PHACTR2: variants seen among roughly 807,000 people sequenced by gnomAD.
PHACTR2 encodes the protein phosphatase and actin regulator 2.
Under a neutral mutation model 76.0 loss-of-function variants are expected in PHACTR2, and 30 were observed. The observed-to-expected ratio is 0.39, with a 90% CI of 0.30 to 0.54. PHACTR2 has a LOEUF of 0.54. Among genes scored for constraint, PHACTR2 ranks in the 20% least tolerant of loss-of-function variants. The pLI is 0.61. For synonymous variants in PHACTR2, 292 were observed against 292.5 expected (o/e 1.00, Z 0.02); for missense variants, 696 against 781.1 (o/e 0.89, Z 1.30).
chr6:143,793,020 C>T lies in PHACTR2; in HGVS notation c.1845+4110C>T, dbSNP rs1562309876. On this transcript the variant is annotated intron_variant, in intron 11 of 12. Transcript: ENST00000440869. This position sits in a 1 kb window ranked among gnomAD's most constrained non-coding sequence, Gnocchi z 4.4. The stretch of plus-strand genomic sequence containing the variant: ...CAATTGTGGCCAAATTTGGAAAATA[C>T]AATTTTCCACACCCACCATTCCCAG... Among the ~76,000 whole-genome samples the T allele has an allele frequency of 2.6e-5, 4 of 152,170 alleles. No homozygotes were observed. Among genetic ancestry groups the T allele is most frequent in the Admixed American group, 6.5e-5 (1 of 15,280 alleles).
rs1161641497 is a variant in PHACTR2 at position 143,823,250 on chromosome 6, G to C, written c.1923-424G>C. Among the ~76,000 whole-genome samples the C allele has an allele frequency of 2.6e-5, 4 of 152,190 alleles. No homozygotes were observed. The South Asian group carries it at 8.3e-4, about 32-fold the overall frequency. On this transcript the variant is annotated intron_variant, in intron 12 of 12. Coordinates refer to ENST00000440869, the MANE Select transcript of PHACTR2 (RefSeq NM_001100164.2). The surrounding 1 kb of genome is among the most constrained non-coding windows in gnomAD (Gnocchi z 5.7). ...TGGAGTCGTCAGCAGGAGATGATGA[G>C]AGGCTGAAGCTAATGAAAAAGTGTC...
chr6:143,590,294 G>A (rs1161087265), intron 1 of PHACTR2, among the ~76,000 whole-genome samples: 2 of 152,198 alleles, frequency 1.3e-5, no homozygotes, highest in East Asian at 3.9e-4. Flanking sequence ...CCACCATGAA[G>A]ATGGAGGACC....
chr6:143,562,504 C>T lies in PHACTR2; in HGVS notation c.217+25297C>T, dbSNP rs1288087399. ...GAGGAATCTGCTCCCATGACGCAAA[C>T]ACCTCCCACCAGGCCCCACCTCCAG... On this transcript the variant is annotated intron_variant, in intron 1 of 11. Coordinates refer to the PHACTR2 transcript ENST00000367584. This position sits in a 1 kb window ranked among gnomAD's most constrained non-coding sequence, Gnocchi z 5.1. Among the ~76,000 whole-genome samples, 1 of 152,136 alleles carries T rather than the reference C, an allele frequency of 6.6e-6. No individual in the cohort carries two copies. The highest frequency in any genetic ancestry group is 2.4e-5 in the African/African-American group (1 of 41,404).
At chr6:143,766,016 C>T (rs952856408) in intron 6 of PHACTR2, among the ~76,000 whole-genome samples, 6 of 152,230 alleles carry the variant, frequency 3.9e-5, no homozygotes, top group Non-Finnish European at 5.9e-5. Context: ...ACAAATACCA[C>T]TTGAGATCAA....
At chr6:143,584,616 C>G (rs937084752) in intron 1 of PHACTR2, among the ~76,000 whole-genome samples, 1 of 152,168 alleles carries the variant, frequency 6.6e-6, no homozygotes, top group African/African-American at 2.4e-5. Context: ...TTTGATGTAA[C>G]TATTCAACAA....
At chr6:143,590,027 G>A (rs974919565) in intron 1 of PHACTR2, among the ~76,000 whole-genome samples, 6 of 152,056 alleles carry the variant, frequency 3.9e-5, no homozygotes, top group South Asian at 2.1e-4. Flanking sequence ...TTATAGTCAC[G>A]AAAACTCTGT....
Position 143,672,287 on chromosome 6 carries a change from CAA to C in PHACTR2, c.14-39716_14-39715del, listed in dbSNP as rs1013086766. On this transcript the variant is annotated intron_variant, in intron 1 of 11. Transcript: ENST00000305766. The surrounding 1 kb of genome is among the most constrained non-coding windows in gnomAD (Gnocchi z 5.8). ...GCAATATAGTGAGACCCTATCTCTA[CAA>C]AAAAAAAAAAAATTACAAATAATTA... 3.4e-5 allele frequency among the ~76,000 whole-genome samples: 4 copies of C among 116,680 alleles called. No homozygotes were observed. Among genetic ancestry groups the C allele is most frequent in the African/African-American group, 4.6e-5 (1 of 21,578 alleles). 76.5% of individuals were successfully genotyped at this position (116,680 alleles called of 152,430 possible). A position where few individuals can be genotyped will look rare whatever the true frequency, so the allele number is the denominator to read the frequency against.
intron 11 of PHACTR2, among the ~76,000 whole-genome samples, chr6:143,790,717 A>G (rs111840333): frequency 0.027 from 3,997 of 147,298 alleles, 198 homozygotes; most frequent in African/African-American, 0.094. Context: ...TCTGTCACCC[A>G]GGCTGGAGTG....
intron 2 of PHACTR2, 96 bp from the exon 3 acceptor site, chr6:143,748,889 T>C: frequency 1.5e-6 from 1 of 653,118 alleles, no homozygotes; most frequent in Non-Finnish European, 2.7e-6. Flanking sequence ...AGCCCTCATG[T>C]GAGGAGAATA....
intron 11 of PHACTR2, among the ~76,000 whole-genome samples, chr6:143,790,768 T>G (rs1207607802): frequency 6.6e-6 from 1 of 151,808 alleles, no homozygotes; most frequent in Non-Finnish European, 1.5e-5. Flanking sequence ...CCACCTCCTG[T>G]GTTCACGCCA....
rs532165066 is a variant in PHACTR2, at chr6:143,562,848, A to G, written c.217+25641A>G. Among the ~76,000 whole-genome samples, 55 of 152,354 alleles carry G rather than the reference A, an allele frequency of 3.6e-4. No homozygotes were observed. Among genetic ancestry groups the G allele is most frequent in the African/African-American group, 1.3e-3 (52 of 41,584 alleles). Reference sequence around the variant, plus strand: ...ACATATGCTGCAACATGGCTTGAAAACATTCTGCTCAATGAAATAAGCCAG... The same window carrying G: ...ACATATGCTGCAACATGGCTTGAAAGCATTCTGCTCAATGAAATAAGCCAG... On this transcript the variant is annotated intron_variant, in intron 1 of 11. Transcript: ENST00000367584. The surrounding 1 kb of genome is among the most constrained non-coding windows in gnomAD (Gnocchi z 5.1).
In PHACTR2 at chr6:143,664,311, CAGATAAAGAAAG is replaced by C. The variant is rs1438124983; in HGVS notation, c.14-47700_14-47689del. On this transcript the variant is annotated intron_variant, in intron 1 of 11. Transcript: ENST00000305766. The surrounding 1 kb of genome is among the most constrained non-coding windows in gnomAD (Gnocchi z 5.1). Reference sequence around the variant, plus strand: ...TTTGGGGTGTGTCTTCTAAAAATGACAGATAAAGAAAGAGATGTACTATGTTTCTGCTGCTCA... The same window carrying C: ...TTTGGGGTGTGTCTTCTAAAAATGACAGATGTACTATGTTTCTGCTGCTCA... Among the ~76,000 whole-genome samples the C allele has an allele frequency of 2.6e-5, 4 of 152,016 alleles. No individual in the cohort carries two copies. Among genetic ancestry groups the C allele is most frequent in the African/African-American group, 9.7e-5 (4 of 41,396 alleles).
In PHACTR2 at chr6:143,701,256, T is replaced by C. The variant is rs1309411285; in HGVS notation, c.47-10760T>C. On this transcript the variant is annotated intron_variant, in intron 1 of 12. Transcript: ENST00000440869. ...CAGTGCTTGCAGGCAGATGGAAGTC[T>C]TTAGTAGCTTTTCCCTCTGGGAGTT... Among the ~76,000 whole-genome samples, 6 of 152,284 alleles carry C rather than the reference T, an allele frequency of 3.9e-5. No homozygotes were observed. The East Asian group carries it at 1.2e-3, about 29-fold the overall frequency.
In PHACTR2 at chr6:143,554,608, G is replaced by A. The variant is rs992356143; in HGVS notation, c.217+17401G>A. The A allele has an allele frequency of 3.3e-5, 5 of 152,314 alleles. No homozygotes were observed. The highest frequency in any genetic ancestry group is 1.9e-4 in the East Asian group (1 of 5,186). 9.4% of individuals were successfully genotyped at this position (152,314 alleles called of 1,614,324 possible). A position where few individuals can be genotyped will look rare whatever the true frequency, so the allele number is the denominator to read the frequency against. ...CACCTGAGGAAAGGTGAAGGGCTAA[G>A]GAACTCGATTGAGGGTGGGAGTTCT... On this transcript the variant is annotated intron_variant, in intron 1 of 11. Coordinates refer to the PHACTR2 transcript ENST00000367584. The surrounding 1 kb of genome is among the most constrained non-coding windows in gnomAD (Gnocchi z 5.9).
At chr6:143,810,720 T>G (rs568002205) in intron 12 of PHACTR2, 32 of 271,766 alleles carry the variant, frequency 1.2e-4, no homozygotes, top group Non-Finnish European at 2.2e-5. Context: ...TAGTCTCAGC[T>G]ACTTGGGTGG....
At position 143,633,921 on chromosome 6, in the gene PHACTR2, C is replaced by T. The variant is rs994481676; in HGVS notation, c.13+25599C>T. On this transcript the variant is annotated intron_variant, in intron 1 of 11. Coordinates refer to the PHACTR2 transcript ENST00000305766. This position sits in a 1 kb window ranked among gnomAD's most constrained non-coding sequence, Gnocchi z 4.1. Reference sequence around the variant, plus strand: ...GATTTAAGATGAAAGTAAAAACGGTCCTCGTTTAGAAGCCAATATTTTACT... The same window carrying T: ...GATTTAAGATGAAAGTAAAAACGGTTCTCGTTTAGAAGCCAATATTTTACT... 1.3e-5 allele frequency among the ~76,000 whole-genome samples: 2 copies of T among 152,144 alleles called. No homozygotes were observed. The highest frequency in any genetic ancestry group is 4.8e-5 in the African/African-American group (2 of 41,420).
In PHACTR2 at chr6:143,628,950, T is replaced by TAG. The variant is rs1562252833; in HGVS notation, c.13+20629_13+20630insGA. On this transcript the variant is annotated intron_variant, in intron 1 of 11. Coordinates refer to the PHACTR2 transcript ENST00000305766. ...ATATATATATATATATATATATATA[T>TAG]ATATATATATATATATATATATATA... Among the ~76,000 whole-genome samples the TAG allele has an allele frequency of 8.6e-4, 46 of 53,690 alleles. 1 individual carries two copies. The highest frequency in any genetic ancestry group is 5.2e-3 in the South Asian group (11 of 2,116). 35.2% of individuals were successfully genotyped at this position (53,690 alleles called of 152,430 possible).
chr6:143,626,631 T>A (rs963067937), intron 1 of PHACTR2, among the ~76,000 whole-genome samples: 1 of 152,146 alleles, frequency 6.6e-6, no homozygotes, highest in African/African-American at 2.4e-5. Context: ...GGCAGCTTGA[T>A]TACACAAATA....
Position 143,760,336 on chromosome 6 carries a change from T to G in PHACTR2, c.455-65T>G. The G allele has an allele frequency of 6.9e-7, 1 of 1,459,406 alleles. No individual in the cohort carries two copies. 90.4% of individuals were successfully genotyped at this position (1,459,406 alleles called of 1,614,324 possible). On this transcript the variant is annotated intron_variant, in intron 4 of 12. Coordinates refer to ENST00000440869, the MANE Select transcript of PHACTR2 (RefSeq NM_001100164.2). This position sits in a 1 kb window ranked among gnomAD's most constrained non-coding sequence, Gnocchi z 6.4. ...GCTTTGTGTCACTATCGTCATGTCT[T>G]GCTCCTTGTGTTTATATGGTGTGTG... is the stretch of plus-strand genomic sequence containing the variant.
Sources: allele counts gnomAD v4.1 joint callset (sites outside exome capture counted in the v4.1 genomes callset), GRCh38; gene constraint gnomAD v4.1.1; non-coding constraint Gnocchi (gnomAD v3.1); transcripts MANE v1.5; gene names NCBI Gene and HGNC (gene_info 2026-07-23, HGNC 2026-07-21).